ROBO2: variants seen among roughly 807,000 people sequenced by gnomAD.
The protein encoded by ROBO2 is roundabout guidance receptor 2.
ROBO2 carries 53 observed loss-of-function variants against 160.8 expected under a neutral mutation model. The observed-to-expected ratio is 0.33, with a 90% CI of 0.26 to 0.41. ROBO2 has a LOEUF of 0.41. ROBO2 is among the 10% of genes least tolerant of loss of function. The pLI is 1.00. For missense variants in ROBO2, 1,577 were observed against 1,722.4 expected, an observed-to-expected ratio of 0.92 and a Z score of 1.49; for synonymous variants, 664 against 611.7, an observed-to-expected ratio of 1.09 and a Z score of -1.26.
chr3:77,260,829 G>T (rs4683990), intron 2 of ROBO2, among the ~76,000 whole-genome samples: 122,561 of 152,082 alleles, frequency 0.81, 49,964 homozygotes, highest in East Asian at 0.95. Context: ...TTGCTTTCAC[G>T]GCCCCGACAC....
At chr3:76,729,956 A>G (rs540942929) in intron 2 of ROBO2, among the ~76,000 whole-genome samples, 3 of 152,156 alleles carry the variant, frequency 2.0e-5, no homozygotes, top group Non-Finnish European at 2.9e-5. Flanking sequence ...TATTTCTAAG[A>G]CACTTCCATC....
At chr3:76,505,948 T>C (rs894548028) in intron 2 of ROBO2, among the ~76,000 whole-genome samples, 3 of 152,222 alleles carry the variant, frequency 2.0e-5, no homozygotes, top group Admixed American at 1.3e-4. Context: ...AGGTAACACC[T>C]TGGAGCTATG....
At chr3:76,162,108 A>G (rs1040866817) in intron 2 of ROBO2, among the ~76,000 whole-genome samples, 1 of 152,158 alleles carries the variant, frequency 6.6e-6, no homozygotes, top group East Asian at 1.9e-4. Flanking sequence ...AGTTATGCAG[A>G]GAGATTTTGG....
chr3:76,783,513 T>C (rs1017004217), intron 2 of ROBO2, among the ~76,000 whole-genome samples: 3 of 143,032 alleles, frequency 2.1e-5, no homozygotes, highest in African/African-American at 5.0e-5. Context: ...GTAGTTTCTT[T>C]CTTTTTTTTT....
At chr3:76,566,471 AT>A (rs1315403895) in intron 2 of ROBO2, among the ~76,000 whole-genome samples, 1 of 152,044 alleles carries the variant, frequency 6.6e-6, no homozygotes, top group Non-Finnish European at 1.5e-5. Context: ...TCTCTTTTCT[AT>A]TGCTCAAAAC....
At chr3:75,972,984 G>A (rs764457047) in intron 2 of ROBO2, among the ~76,000 whole-genome samples, 7 of 151,436 alleles carry the variant, frequency 4.6e-5, no homozygotes, top group South Asian at 2.1e-4. Flanking sequence ...ACCATAATCC[G>A]TGAAAAAATC....
intron 4 of ROBO2, among the ~76,000 whole-genome samples, chr3:77,483,753 AC>A (rs2084987561): frequency 6.8e-6 from 1 of 147,558 alleles, no homozygotes; most frequent in African/African-American, 2.5e-5. Flanking sequence ...TTTTATTGAT[AC>A]CTATTATTAT....
chr3:76,446,299 A>G (rs2077177340), intron 2 of ROBO2, among the ~76,000 whole-genome samples: 1 of 152,174 alleles, frequency 6.6e-6, no homozygotes, highest in East Asian at 1.9e-4. Flanking sequence ...AATTGCTTCA[A>G]AGAGAATAAA....
At chr3:76,124,702 T>G (rs1321592772) in intron 2 of ROBO2, among the ~76,000 whole-genome samples, 3 of 151,822 alleles carry the variant, frequency 2.0e-5, no homozygotes, top group Admixed American at 2.0e-4. Flanking sequence ...TACAATGAAC[T>G]TCTCAAATTA....
chr3:77,339,042 A>G (rs898340007), intron 2 of ROBO2, among the ~76,000 whole-genome samples: 4 of 152,160 alleles, frequency 2.6e-5, no homozygotes, highest in African/African-American at 7.2e-5. Context: ...CTGCTTTCAG[A>G]CAAGAAACAT....
intron 3 of ROBO2, among the ~76,000 whole-genome samples, chr3:77,480,144 A>G (rs1233834056): frequency 6.6e-6 from 1 of 152,206 alleles, no homozygotes; most frequent in East Asian, 1.9e-4. Context: ...GAACATGACA[A>G]GTTGTAAATC....
chr3:76,217,930 C>T (rs145808157), intron 2 of ROBO2, among the ~76,000 whole-genome samples: 11 of 152,150 alleles, frequency 7.2e-5, no homozygotes, highest in Non-Finnish European at 1.0e-4. Context: ...TCTGGCAAAC[C>T]GAATCCAGCA....
At chr3:77,048,248 G>T (rs763663975) in intron 1 of ROBO2, among the ~76,000 whole-genome samples, 1 of 152,158 alleles carries the variant, frequency 6.6e-6, no homozygotes, top group African/African-American at 2.4e-5. Context: ...ATTTTAATAA[G>T]ATTTTTCAGC....
chr3:76,299,243 GA>G (rs1348853931), intron 2 of ROBO2, among the ~76,000 whole-genome samples: 1 of 152,178 alleles, frequency 6.6e-6, no homozygotes, highest in African/African-American at 2.4e-5. Context: ...GAGCAGTTGG[GA>G]GGGACCTGGA....
chr3:77,579,904 G>C (rs773520118), intron 15 of ROBO2, 43 bp from the exon 17 acceptor site: 14 of 1,553,950 alleles, frequency 9.0e-6, no homozygotes, highest in Middle Eastern at 3.4e-4. Context: ...TACCAGAAAC[G>C]ATAATCTTAT....
At position 76,714,649 on chromosome 3, in the gene ROBO2, A is replaced by T. The variant is rs149237089; in HGVS notation, c.110-383365A>T. ...GGGACCCCCATAACTCAGAATTTGGAGAGTAGTCTTTGCTGGACTCAACAC... is the reference window on the plus strand; with the variant it reads ...GGGACCCCCATAACTCAGAATTTGGTGAGTAGTCTTTGCTGGACTCAACAC... On this transcript the variant is annotated intron_variant, in intron 2 of 26. Transcript: ENST00000487694. Among the ~76,000 whole-genome samples, 71 of 152,272 alleles carry T rather than the reference A, an allele frequency of 4.7e-4. 1 individual carries two copies. The highest frequency in any genetic ancestry group is 8.8e-4 in the Non-Finnish European group (60 of 67,994).
At chr3:77,356,495 G>A (rs202006599) in intron 2 of ROBO2, among the ~76,000 whole-genome samples, 12 of 152,248 alleles carry the variant, frequency 7.9e-5, no homozygotes, top group East Asian at 5.8e-4. Flanking sequence ...GAATTGGGTT[G>A]GGTATGTAGA....
chr3:77,288,798 T>C (rs1441961), intron 2 of ROBO2, among the ~76,000 whole-genome samples: 48,410 of 152,048 alleles, frequency 0.32, 9,265 homozygotes, highest in Middle Eastern at 0.46. Context: ...CGGATACAAA[T>C]TGATTATACC....
At chr3:77,398,005 A>T (rs1319608671) in intron 2 of ROBO2, among the ~76,000 whole-genome samples, 2 of 152,152 alleles carry the variant, frequency 1.3e-5, no homozygotes, top group African/African-American at 4.8e-5. Context: ...TAACATTTAG[A>T]TGTATTGTTT....
Sources: gnomAD v4.1 joint callset for allele counts (sites outside exome capture counted in the v4.1 genomes callset) on GRCh38, gnomAD v4.1.1 for gene constraint, MANE v1.5 for transcripts, NCBI Gene and HGNC (gene_info 2026-07-23, HGNC 2026-07-21) for gene names.